Variants in NUGGC observed in about 807,000 individuals in gnomAD.
NUGGC encodes nuclear GTPase, germinal center associated, also known as nuclear GTPase SLIP-GC.
In NUGGC, 58 loss-of-function variants were observed where a neutral mutation model predicts 92.6. That is an observed-to-expected ratio of 0.63 (90% CI 0.51 to 0.78). The LOEUF (loss-of-function observed/expected upper bound fraction) is 0.78, where lower values mean the gene tolerates loss of function less well. NUGGC is among the 30% of genes least tolerant of loss of function. The probability of loss-of-function intolerance (pLI) is 0.00; values close to 1 mark genes in which losing one functional copy is unlikely to be tolerated. For missense variants in NUGGC, 925 were observed against 964.6 expected (o/e 0.96, Z 0.54); for synonymous variants, 376 against 366.4 (o/e 1.03, Z -0.30).
intron 1 of NUGGC, 64 bp from the exon 2 acceptor site, chr8:28,074,520 T>C (rs1486428344): frequency 7.7e-6 from 8 of 1,035,732 alleles, no homozygotes; most frequent in Non-Finnish European, 1.2e-5. Context: ...AAGCAAACCC[T>C]AAGGATGTGT....
At chr8:28,080,027 C>G (rs955815667) in intron 1 of NUGGC, among the ~76,000 whole-genome samples, 1 of 152,124 alleles carries the variant, frequency 6.6e-6, no homozygotes, top group African/African-American at 2.4e-5. Context: ...CTGCAACCTC[C>G]GCCTCCCAGG....
At chr8:28,074,524 G>A in intron 1 of NUGGC, 68 bp from the exon 2 acceptor site, 2 of 992,618 alleles carry the variant, frequency 2.0e-6, no homozygotes, top group Non-Finnish European at 3.1e-6. Context: ...AAACCCTAAG[G>A]ATGTGTCAGT....
chr8:28,081,576 T>C (rs764577430), intron 1 of NUGGC, among the ~76,000 whole-genome samples: 1 of 152,124 alleles, frequency 6.6e-6, no homozygotes, highest in Non-Finnish European at 1.5e-5. Flanking sequence ...CTCTACCATC[T>C]TCCTTAAAGA....
intron 8 of NUGGC, among the ~76,000 whole-genome samples, chr8:28,059,072 G>C (rs530978398): frequency 6.6e-6 from 1 of 152,206 alleles, no homozygotes; most frequent in East Asian, 1.9e-4. Flanking sequence ...GGGGTGAGAT[G>C]GGGAGAAATG....
At chr8:28,080,129 A>G (rs1810815227) in intron 1 of NUGGC, among the ~76,000 whole-genome samples, 1 of 151,986 alleles carries the variant, frequency 6.6e-6, no homozygotes, top group African/African-American at 2.4e-5. Flanking sequence ...TCTAGTAGAG[A>G]CAAGGTTTCA....
chr8:28,073,973 A>G (rs1245263880), intron 2 of NUGGC, among the ~76,000 whole-genome samples: 3 of 151,692 alleles, frequency 2.0e-5, no homozygotes, highest in South Asian at 4.2e-4. Flanking sequence ...TAATTTTTGT[A>G]TTTTTAGTAG....
intron 1 of NUGGC, among the ~76,000 whole-genome samples, chr8:28,076,587 A>G (rs1477159956): frequency 6.6e-6 from 1 of 152,208 alleles, no homozygotes. Flanking sequence ...GTGAGCCACC[A>G]TGCCTGGCCC....
intron 17 of NUGGC, among the ~76,000 whole-genome samples, chr8:28,027,286 C>T (rs1486769980): frequency 1.3e-5 from 2 of 152,200 alleles, no homozygotes; most frequent in Non-Finnish European, 2.9e-5. Context: ...TCTCCCTCCC[C>T]ACCTACAGGC....
intron 8 of NUGGC, chr8:28,060,198 A>T: frequency 1.5e-6 from 1 of 653,550 alleles, no homozygotes; most frequent in South Asian, 1.5e-5. Context: ...TGTAGGGGAC[A>T]CCAGCTTGGC....
At chr8:28,071,510 A>G (rs1013226546) in intron 2 of NUGGC, among the ~76,000 whole-genome samples, 9 of 152,120 alleles carry the variant, frequency 5.9e-5, no homozygotes, top group African/African-American at 2.2e-4. Flanking sequence ...TCCCTTCTTC[A>G]CTTGGAGACA....
At position 28,052,970 on chromosome 8, in the gene NUGGC, A is replaced by G. The variant is rs139824835; in HGVS notation, c.1206+2995T>C. Reference sequence around the variant, plus strand: ...AGACAGTAATTCCAGATTTTTTTGCAAAGCAACACCTAAGTGCTTCATGGG... The same window carrying G: ...AGACAGTAATTCCAGATTTTTTTGCGAAGCAACACCTAAGTGCTTCATGGG... On this transcript the variant is annotated intron_variant, in intron 10 of 18. Transcript: ENST00000413272. Among the ~76,000 whole-genome samples the G allele has an allele frequency of 3.7e-3, 565 of 152,206 alleles. 2 individuals carry two copies. The highest frequency in any genetic ancestry group is 5.9e-3 in the Non-Finnish European group (398 of 67,994).
In NUGGC at chr8:28,030,195, CAA is replaced by C. The variant is rs1054748833; in HGVS notation, c.2017+113_2017+114del. 57 of 659,042 alleles carry C rather than the reference CAA, an allele frequency of 8.6e-5. No homozygotes were observed. In the African/African-American group the frequency reaches 8.7e-4, roughly 10 times the overall value. 40.8% of individuals were successfully genotyped at this position (659,042 alleles called of 1,614,324 possible). A position where few individuals can be genotyped will look rare whatever the true frequency, so the allele number is the denominator to read the frequency against. Reference sequence around the variant, plus strand: ...TGCAATGTGTGGACTGAGAGTGCTGCAAAGTCTTAGGGTGCAAGAGAACAGGG... The same window carrying C: ...TGCAATGTGTGGACTGAGAGTGCTGCAGTCTTAGGGTGCAAGAGAACAGGG... On this transcript the variant is annotated intron_variant, in intron 16 of 18. Coordinates refer to ENST00000413272, the MANE Select transcript of NUGGC (RefSeq NM_001010906.2).
chr8:28,078,209 T>A (rs1304585292), intron 1 of NUGGC, among the ~76,000 whole-genome samples: 1 of 152,344 alleles, frequency 6.6e-6, no homozygotes, highest in Non-Finnish European at 1.5e-5. Context: ...GGAAATTATG[T>A]GGTTTGGTTG....
chr8:28,057,903 T>G (rs192251850), intron 9 of NUGGC, among the ~76,000 whole-genome samples: 30 of 152,120 alleles, frequency 2.0e-4, no homozygotes, highest in Non-Finnish European at 2.9e-4. Context: ...TAAAAAGAAT[T>G]AGTTCAGGCC....
Position 28,060,495 on chromosome 8 carries a change from CG to C in NUGGC, c.1027del (p.Arg343GlyfsTer23). The C allele has an allele frequency of 6.2e-7, 1 of 1,613,912 alleles. No individual in the cohort carries two copies. The highest frequency in any genetic ancestry group is 8.5e-7 in the Non-Finnish European group (1 of 1,179,854). On this transcript the variant is annotated frameshift_variant, in exon 8 of 19. Coordinates refer to ENST00000413272, the MANE Select transcript of NUGGC (RefSeq NM_001010906.2). LOFTEE classifies it high-confidence loss of function. ...LLNESIKACQ[R>X]GFCRDVALVV... ...CAGGGCCACGTCCCTACAGAAGCCC[CG>C]CTGGCAGGCTTTGATGCTCTCATTC...
At chr8:28,075,913 A>G (rs1810710593) in intron 1 of NUGGC, among the ~76,000 whole-genome samples, 1 of 152,128 alleles carries the variant, frequency 6.6e-6, no homozygotes, top group Admixed American at 6.5e-5. Context: ...TCTCCAAAGC[A>G]GGGTATCCTA....
intron 1 of NUGGC, among the ~76,000 whole-genome samples, chr8:28,083,309 AC>A (rs1219262365): frequency 6.6e-6 from 1 of 152,108 alleles, no homozygotes; most frequent in Non-Finnish European, 1.5e-5. Context: ...CTTCCCCAAA[AC>A]CCATAACTCC....
At chr8:28,064,154 C>G (rs374594566) in intron 7 of NUGGC, among the ~76,000 whole-genome samples, 110 of 152,370 alleles carry the variant, frequency 7.2e-4, no homozygotes, top group African/African-American at 2.6e-3. Flanking sequence ...ACAGCCAACA[C>G]AGTTGCAGCC....
intron 1 of NUGGC, 51 bp downstream of exon 1, chr8:28,083,724 A>T (rs942114023): frequency 3.3e-5 from 5 of 152,258 alleles, no homozygotes; most frequent in African/African-American, 4.8e-5. Context: ...GTCCATTTTT[A>T]AAAAATCAAC....
Sources: allele counts gnomAD v4.1 joint callset (sites outside exome capture counted in the v4.1 genomes callset), GRCh38; gene constraint gnomAD v4.1.1; transcripts MANE v1.5; gene names NCBI Gene and HGNC (gene_info 2026-07-23, HGNC 2026-07-21).